The following GYG1 variants were observed in gnomAD, a reference collection of about 807,000 sequenced individuals.
The protein encoded by GYG1 is glycogenin 1.
A neutral mutation model predicts 41.9 loss-of-function variants in GYG1; 44 were observed. That is an observed-to-expected ratio of 1.05 (90% CI 0.83 to 1.35). The LOEUF (loss-of-function observed/expected upper bound fraction) is 1.35, where lower values mean the gene tolerates loss of function less well. Among genes scored for constraint, GYG1 ranks in the 40% most tolerant of loss-of-function variants. GYG1 has a pLI of 0.00. For synonymous variants in GYG1, 141 were observed against 158.1 expected, an observed-to-expected ratio of 0.89 and a Z score of 0.81; for missense variants, 429 against 418.9, an observed-to-expected ratio of 1.02 and a Z score of -0.21.
intron 5 of GYG1, among the ~76,000 whole-genome samples, chr3:149,018,621 C>T (rs71304440): frequency 1.3e-5 from 2 of 152,154 alleles, no homozygotes; most frequent in African/African-American, 4.8e-5. Flanking sequence ...CTTCCCACCC[C>T]CAAAGGGCTC....
intron 3 of GYG1, 59 bp from the exon 4 acceptor site, chr3:148,996,675 GAAGAACTC>G: frequency 1.4e-6 from 2 of 1,462,242 alleles, no homozygotes; most frequent in South Asian, 2.3e-5. Flanking sequence ...GATGACATAG[GAAGAACTC>G]AAGAAGGGTA....
At chr3:149,017,582 G>GTTTGTTTTT (rs1714123988) in intron 5 of GYG1, among the ~76,000 whole-genome samples, 3 of 47,382 alleles carry the variant, frequency 6.3e-5, no homozygotes, top group Non-Finnish European at 9.6e-5. Flanking sequence ...TTTTATTTAG[G>GTTTGTTTTT]TTTTTTTTTT....
chr3:148,995,865 C>G (rs960465285), intron 2 of GYG1, among the ~76,000 whole-genome samples: 2 of 152,126 alleles, frequency 1.3e-5, no homozygotes, highest in Non-Finnish European at 2.9e-5. Context: ...CCTCACAAAC[C>G]AACGTGAATC....
Position 149,026,769 on chromosome 3 carries a change from T to A in GYG1, c.889T>A (p.Ser297Thr). ...SCGFCRKEDV[S>T]GAISHLSLGE... ...ATGCTTTCCTTTCTAGGAAGATGTC[T>A]CAGGAGCCATATCACATCTGTCCCT... The change falls in exon 8 of 8, where the codon TCA (serine) becomes ACA (threonine). Residue 297 changes from serine to threonine, a missense_variant. Transcript: ENST00000345003. The A allele has an allele frequency of 6.2e-7, 1 of 1,607,734 alleles. No individual in the cohort carries two copies.
intron 5 of GYG1, among the ~76,000 whole-genome samples, chr3:149,021,384 G>A (rs373681964): frequency 9.1e-4 from 138 of 152,234 alleles, no homozygotes; most frequent in African/African-American, 3.2e-3. Flanking sequence ...ATATACTTAC[G>A]TGTATAAAAT....
chr3:149,015,407 C>T (rs924648477), intron 5 of GYG1, among the ~76,000 whole-genome samples: 1 of 152,108 alleles, frequency 6.6e-6, no homozygotes, highest in African/African-American at 2.4e-5. Flanking sequence ...AGGATTGACC[C>T]AATGGCAGGA....
At chr3:149,009,836 C>T (rs1381241609) in intron 5 of GYG1, among the ~76,000 whole-genome samples, 1 of 152,190 alleles carries the variant, frequency 6.6e-6, no homozygotes, top group Non-Finnish European at 1.5e-5. Flanking sequence ...GGGATTAAGC[C>T]AGATGCAGGC....
rs544676791 is a variant in GYG1 at position 149,030,020 on chromosome 3, TC to T, written c.*3088del. 2.0e-5 allele frequency: 3 copies of T among 152,318 alleles called. No individual in the cohort carries two copies. The South Asian group carries it at 6.2e-4, about 32-fold the overall frequency. The allele number at this position is 152,318 out of a possible 1,614,324, so 9.4% of individuals were successfully genotyped here. On this transcript the variant is annotated 3_prime_UTR_variant, in exon 8 of 8. Coordinates refer to ENST00000345003, the MANE Select transcript of GYG1 (RefSeq NM_004130.4). Reference sequence around the variant, plus strand: ...TGAGGACATTATTCTGTTACAGTAATCTTCATGTACTCTCAAAAAAATGTAA... The same window carrying T: ...TGAGGACATTATTCTGTTACAGTAATTTCATGTACTCTCAAAAAAATGTAA...
At chr3:149,016,364 C>T (rs1214080781) in intron 5 of GYG1, among the ~76,000 whole-genome samples, 1 of 150,574 alleles carries the variant, frequency 6.6e-6, no homozygotes, top group Non-Finnish European at 1.5e-5. Context: ...TGCTTGTAGG[C>T]AGGTGTTATG....
chr3:148,995,612 C>T (rs1232220706), intron 2 of GYG1, among the ~76,000 whole-genome samples: 2 of 152,174 alleles, frequency 1.3e-5, no homozygotes, highest in Non-Finnish European at 2.9e-5. Flanking sequence ...CAGTGATTCT[C>T]CTAACCATTT....
At chr3:149,006,113 C>T (rs1472608618) in intron 4 of GYG1, among the ~76,000 whole-genome samples, 5 of 135,144 alleles carry the variant, frequency 3.7e-5, no homozygotes, top group East Asian at 2.2e-4. Flanking sequence ...GACCGAGTCT[C>T]ACTCTGTCAC....
At chr3:148,999,302 C>T (rs1280188326) in intron 4 of GYG1, among the ~76,000 whole-genome samples, 1 of 152,088 alleles carries the variant, frequency 6.6e-6, no homozygotes, top group Non-Finnish European at 1.5e-5. Context: ...TGAGGTATTC[C>T]ATTTACTGGC....
rs748886656 is a variant in GYG1, at chr3:148,991,653, G to A, written c.7+6G>A. The A allele has an allele frequency of 1.3e-6, 2 of 1,533,422 alleles. No homozygotes were observed. Among genetic ancestry groups the A allele is most frequent in the African/African-American group, 1.4e-5 (1 of 71,590 alleles). 95.0% of individuals were successfully genotyped at this position (1,533,422 alleles called of 1,614,324 possible). On this transcript the variant is annotated splice_donor_region_variant and intron_variant, in intron 1 of 7. Transcript: ENST00000345003. ...ACCCGGCAGCACCATGACAGGTACC[G>A]CCGCGCAGCCCGCCGCCGCCAGCCC...
chr3:148,995,302 T>C (rs1454066168), intron 2 of GYG1, among the ~76,000 whole-genome samples: 2 of 152,238 alleles, frequency 1.3e-5, no homozygotes, highest in Non-Finnish European at 2.9e-5. Flanking sequence ...CTAGTAACTT[T>C]GTGATGTGTT....
At chr3:149,022,242 C>T (rs9845746) in intron 5 of GYG1, among the ~76,000 whole-genome samples, 9,527 of 152,180 alleles carry the variant, frequency 0.063, 444 homozygotes, top group Non-Finnish European at 0.095. Context: ...AACAGGACTA[C>T]GCTTTACTCC....
At chr3:149,006,896 A>G (rs969675324) in intron 4 of GYG1, among the ~76,000 whole-genome samples, 1 of 152,390 alleles carries the variant, frequency 6.6e-6, no homozygotes, top group Admixed American at 6.5e-5. Context: ...TTTGTGCCTC[A>G]GAATACATTA....
chr3:149,004,722 GGT>G (rs1474596457), intron 4 of GYG1, among the ~76,000 whole-genome samples: 2 of 152,244 alleles, frequency 1.3e-5, no homozygotes, highest in African/African-American at 4.8e-5. Flanking sequence ...CTGGAGCCAA[GGT>G]TCTTGTTGAG....
chr3:149,002,738 T>A (rs1713163982), intron 4 of GYG1, among the ~76,000 whole-genome samples: 2 of 152,148 alleles, frequency 1.3e-5, no homozygotes, highest in South Asian at 4.1e-4. Flanking sequence ...TAAAAAGAAG[T>A]GTCCAGGCGC....
intron 5 of GYG1, among the ~76,000 whole-genome samples, chr3:149,022,551 A>G (rs1276768938): frequency 2.6e-5 from 3 of 117,404 alleles, no homozygotes; most frequent in Non-Finnish European, 4.9e-5. Flanking sequence ...GCTGGAGTGC[A>G]GTGGCGCAAT....
Sources: gnomAD v4.1 joint callset for allele counts (sites outside exome capture counted in the v4.1 genomes callset) on GRCh38, gnomAD v4.1.1 for gene constraint, MANE v1.5 for transcripts, NCBI Gene and HGNC (gene_info 2026-07-23, HGNC 2026-07-21) for gene names.